The following MARK2 variants were observed in gnomAD, a reference collection of about 807,000 sequenced individuals.
The protein encoded by MARK2 is microtubule affinity regulating kinase 2.
Under a neutral mutation model 89.8 loss-of-function variants are expected in MARK2, and 16 were observed. The observed-to-expected ratio is 0.18, with a 90% CI of 0.12 to 0.27. MARK2 has a LOEUF of 0.27. Among genes scored for constraint, MARK2 ranks in the 10% least tolerant of loss-of-function variants. MARK2 has a pLI of 1.00. For synonymous variants in MARK2, 382 were observed against 399.5 expected (o/e 0.96, Z 0.52); for missense variants, 621 against 1,049.9 (o/e 0.59, Z 5.65).
chr11:63,865,648 C>T (rs1483591309), intron 1 of MARK2, among the ~76,000 whole-genome samples: 6 of 152,296 alleles, frequency 3.9e-5, no homozygotes, highest in East Asian at 1.9e-4. Context: ...CCCTTCTGTA[C>T]TTGTATTCCC....
At chr11:63,888,784 A>G in intron 1 of MARK2, 2 of 1,251,572 alleles carry the variant, frequency 1.6e-6, no homozygotes, top group Non-Finnish European at 2.1e-6. Flanking sequence ...CTTTTCACTG[A>G]GGAGGTGGTG....
chr11:63,840,721 G>C (rs899690604), intron 1 of MARK2, among the ~76,000 whole-genome samples: 2 of 152,108 alleles, frequency 1.3e-5, no homozygotes, highest in African/African-American at 4.8e-5. Context: ...TTCATGTCCT[G>C]TGTATCCCCA....
At position 63,880,523 on chromosome 11, in the gene MARK2, G is replaced by A. The variant is rs1314089696; in HGVS notation, c.55-14636G>A. Reference sequence around the variant, plus strand: ...GTCCGTCCCCAATTGGTAGCTCTTAGAATGGCTCGAGTTGCATTCATTGTC... The same window carrying A: ...GTCCGTCCCCAATTGGTAGCTCTTAAAATGGCTCGAGTTGCATTCATTGTC... On this transcript the variant is annotated intron_variant, in intron 1 of 18. Transcript: ENST00000402010. Among the ~76,000 whole-genome samples, 6 of 152,180 alleles carry A rather than the reference G, an allele frequency of 3.9e-5. No individual in the cohort carries two copies. In the East Asian group the frequency reaches 1.2e-3, roughly 29 times the overall value.
In MARK2 at chr11:63,909,003, G is replaced by T; in HGVS notation, c.2133G>T (p.Met711Ile). Residue 711 changes from methionine (M) to isoleucine (I), a missense_variant, in exon 19 of 19, where the codon ATG becomes ATT. By Grantham distance (10) the Met-to-Ile change is conservative. Around this residue, in one of 5 missense-constraint regions of MARK2, gnomAD observed 49 missense variants for 46.7 expected, o/e 1.05. Coordinates refer to ENST00000402010, the MANE Select transcript of MARK2 (RefSeq NM_001039469.3). ...TTSSMEPNEM[M>I]REIRKVLDAN... ...GCTCCATGGAGCCCAACGAGATGAT[G>T]CGGGAGATCCGCAAGGTGCTGGACG... The T allele has an allele frequency of 6.3e-7, 1 of 1,584,344 alleles. No individual in the cohort carries two copies. The highest frequency in any genetic ancestry group is 8.6e-7 in the Non-Finnish European group (1 of 1,156,082).
chr11:63,897,983 C>T (rs980466860), intron 3 of MARK2, among the ~76,000 whole-genome samples: 4 of 152,174 alleles, frequency 2.6e-5, no homozygotes, highest in African/African-American at 7.2e-5. Flanking sequence ...ATTTGGTAGA[C>T]GCAGCAGAGG....
In MARK2 at chr11:63,902,946, C is replaced by A; in HGVS notation, c.1417-115C>A. The A allele has an allele frequency of 1.8e-6, 2 of 1,090,338 alleles. No individual in the cohort carries two copies. Among genetic ancestry groups the A allele is most frequent in the Non-Finnish European group, 2.8e-6 (2 of 717,402 alleles). The allele number at this position is 1,090,338 out of a possible 1,614,324, so 67.5% of individuals were successfully genotyped here. A position where few individuals can be genotyped will look rare whatever the true frequency, so the allele number is the denominator to read the frequency against. On this transcript the variant is annotated intron_variant, in intron 13 of 18. Coordinates refer to ENST00000402010, the MANE Select transcript of MARK2 (RefSeq NM_001039469.3). This position sits in a 1 kb window ranked among gnomAD's most constrained non-coding sequence, Gnocchi z 4.2. ...ATGCAGAATCCTTTCCTTAACCTAC[C>A]ACTGTCTGCTTCAGGTGGAAGGGAC...
At chr11:63,841,630 A>T (rs533792021) in intron 1 of MARK2, among the ~76,000 whole-genome samples, 3 of 152,202 alleles carry the variant, frequency 2.0e-5, no homozygotes, top group Admixed American at 2.0e-4. Context: ...GAACTTTCCC[A>T]GACTGTTGAT....
chr11:63,844,005 A>G (rs963170381), intron 1 of MARK2, among the ~76,000 whole-genome samples: 1 of 152,066 alleles, frequency 6.6e-6, no homozygotes, highest in Non-Finnish European at 1.5e-5. Context: ...GATTCTGGCC[A>G]GGGGGTCCTT....
intron 1 of MARK2, among the ~76,000 whole-genome samples, chr11:63,894,008 G>T (rs980573764): frequency 6.6e-6 from 1 of 152,172 alleles, no homozygotes; most frequent in South Asian, 2.1e-4. Flanking sequence ...TATTCAACCC[G>T]TATTATGTTT....
At position 63,902,968 on chromosome 11, in the gene MARK2, G is replaced by T; in HGVS notation, c.1417-93G>T. ...TACCACTGTCTGCTTCAGGTGGAAG[G>T]GACAGGAAGCCTGTTCCATGAACCT... On this transcript the variant is annotated intron_variant, in intron 13 of 18. Transcript: ENST00000402010. The surrounding 1 kb of genome is among the most constrained non-coding windows in gnomAD (Gnocchi z 4.2). 1 of 1,199,746 alleles carries T rather than the reference G, an allele frequency of 8.3e-7. No homozygotes were observed. The highest frequency in any genetic ancestry group is 1.2e-5 in the South Asian group (1 of 81,366). The allele number at this position is 1,199,746 out of a possible 1,614,324, so 74.3% of individuals were successfully genotyped here.
intron 1 of MARK2, among the ~76,000 whole-genome samples, chr11:63,853,744 GTCT>G (rs777432251): frequency 5.9e-5 from 9 of 152,122 alleles, no homozygotes; most frequent in Non-Finnish European, 8.8e-5. Flanking sequence ...CATTGTCATG[GTCT>G]TCTTTCCCAC....
rs902428307 is a variant in MARK2, at chr11:63,909,144, C to G, written c.2274C>G (p.Leu758=). ...TGGAGGTGTGCAAACTGCCGCGGCT[C>G]TCTCTCAACGGGGTTCGATTTAAGC... ...WEMEVCKLPR[L]SLNGVRFKRI... Residue 758 remains leucine (L), a synonymous_variant, in exon 19 of 19, where the codon CTC becomes CTG. Transcript: ENST00000402010. 4 of 1,614,034 alleles carry G rather than the reference C, an allele frequency of 2.5e-6. No individual in the cohort carries two copies. Among genetic ancestry groups the G allele is most frequent in the East Asian group, 2.2e-5 (1 of 44,880 alleles).
intron 1 of MARK2, among the ~76,000 whole-genome samples, chr11:63,845,518 C>A (rs1273755742): frequency 6.6e-6 from 1 of 152,142 alleles, no homozygotes; most frequent in African/African-American, 2.4e-5. Context: ...ATGAGTGAGT[C>A]ACTGAAGTGT....
rs1437111379 is a variant in MARK2 at position 63,902,314 on chromosome 11, G to A, written c.1218G>A (p.Arg406=). ...QRSVSANPKQ[R]RFSDQAAGPA... is the part of the protein sequence containing the mutation. ...GCGTGTCGGCCAATCCCAAGCAGCG[G>A]CGCTTCAGCGACCAGGGTAAATGCT... The change falls in exon 12 of 19, where the codon CGG becomes CGA. Residue 406 remains arginine, a synonymous_variant. Coordinates refer to ENST00000402010, the MANE Select transcript of MARK2 (RefSeq NM_001039469.3). This position sits in a 1 kb window ranked among gnomAD's most constrained non-coding sequence, Gnocchi z 4.2. 9 of 1,613,952 alleles carry A rather than the reference G, an allele frequency of 5.6e-6. No homozygotes were observed. The highest frequency in any genetic ancestry group is 2.2e-5 in the East Asian group (1 of 44,892).
chr11:63,905,561 A>G lies in MARK2; in HGVS notation c.1934+518A>G, dbSNP rs374371861. On this transcript the variant is annotated intron_variant, in intron 16 of 18. Coordinates refer to ENST00000402010, the MANE Select transcript of MARK2 (RefSeq NM_001039469.3). ...TAGGGTGAAACCTATAAATGAAATC[A>G]CTGGCGAGGGCCTACAGTGGCCTCT... is the stretch of plus-strand genomic sequence containing the variant. Among the ~76,000 whole-genome samples, 13 of 152,332 alleles carry G rather than the reference A, an allele frequency of 8.5e-5. No individual in the cohort carries two copies. The South Asian group carries it at 2.7e-3, about 32-fold the overall frequency.
intron 17 of MARK2, among the ~76,000 whole-genome samples, chr11:63,907,865 C>T (rs1003166855): frequency 6.6e-6 from 1 of 152,264 alleles, no homozygotes; most frequent in Admixed American, 6.5e-5. Flanking sequence ...CAAAAACGCA[C>T]TCACACCTGC....
chr11:63,864,607 C>T (rs1319426993), intron 1 of MARK2, among the ~76,000 whole-genome samples: 4 of 151,378 alleles, frequency 2.6e-5, no homozygotes, highest in Admixed American at 6.6e-5. Context: ...GTTGGCTAGG[C>T]TGGTCTCAAA....
At chr11:63,871,402 A>G (rs918666208) in intron 1 of MARK2, among the ~76,000 whole-genome samples, 1 of 148,794 alleles carries the variant, frequency 6.7e-6, no homozygotes, top group Admixed American at 6.7e-5. Flanking sequence ...GCTGAAGAGT[A>G]TTCACCGTGT....
intron 1 of MARK2, among the ~76,000 whole-genome samples, chr11:63,854,751 C>A (rs2135220296): frequency 6.7e-6 from 1 of 148,172 alleles, no homozygotes; most frequent in Non-Finnish European, 1.5e-5. Context: ...AGGAGAATTG[C>A]AGTGAGCCGA....
Sources: allele counts gnomAD v4.1 joint callset (sites outside exome capture counted in the v4.1 genomes callset), GRCh38; gene constraint gnomAD v4.1.1; regional missense constraint gnomAD v4.1.1; non-coding constraint Gnocchi (gnomAD v3.1); transcripts MANE v1.5; gene names NCBI Gene and HGNC (gene_info 2026-07-23, HGNC 2026-07-21).